Variants in REL observed in about 807,000 individuals in gnomAD.
REL encodes the protein REL proto-oncogene, NF-kB subunit.
A neutral mutation model predicts 45.9 loss-of-function variants in REL; 15 were observed. The observed-to-expected ratio is 0.33, with a 90% confidence interval of 0.22 to 0.50. REL has a LOEUF of 0.50. Among genes scored for constraint, REL ranks in the 20% least tolerant of loss-of-function variants. REL has a pLI of 0.98. For synonymous variants in REL, 239 were observed against 242.1 expected (o/e 0.99, Z 0.12); for missense variants, 601 against 715.2 (o/e 0.84, Z 1.82).
chr2:60,908,718 T>C (rs910158666), intron 4 of REL, among the ~76,000 whole-genome samples: 12 of 152,214 alleles, frequency 7.9e-5, no homozygotes, highest in African/African-American at 2.9e-4. Flanking sequence ...GTATATTAAA[T>C]TTTGTGCAAT....
rs1229637932 is a variant in REL, at chr2:60,926,157, CTG to C, written c.*3626_*3627del. 6 of 231,474 alleles carry C rather than the reference CTG, an allele frequency of 2.6e-5. No individual in the cohort carries two copies. The highest frequency in any genetic ancestry group is 1.3e-4 in the African/African-American group (6 of 45,206). 14.3% of individuals were successfully genotyped at this position (231,474 alleles called of 1,614,324 possible). On this transcript the variant is annotated 3_prime_UTR_variant, in exon 10 of 10. Transcript: ENST00000394479. Reference sequence around the variant, plus strand: ...GATCCCTCCTCCTTTCTCTGCCAGGCTGTGTTTACTTTATCCTTACATCACCA... The same window carrying C: ...GATCCCTCCTCCTTTCTCTGCCAGGCTGTTTACTTTATCCTTACATCACCA...
chr2:60,894,271 G>A (rs1056648873), intron 2 of REL, 126 bp from the exon 3 acceptor site: 18 of 531,440 alleles, frequency 3.4e-5, no homozygotes, highest in Non-Finnish European at 4.9e-5. Context: ...GCAGTTGTTC[G>A]TCAGCTGGAT....
At position 60,900,978 on chromosome 2, in the gene REL, T is replaced by A; in HGVS notation, c.303-14T>A. 6.3e-7 allele frequency: 1 copy of A among 1,595,592 alleles called. No individual in the cohort carries two copies. The highest frequency in any genetic ancestry group is 8.5e-7 in the Non-Finnish European group (1 of 1,172,206). The stretch of plus-strand genomic sequence containing the variant: ...TTTATAATGCAGTTTTGAATATTGT[T>A]TTTTTCCTGCTAGTTTCCAAAATTT... On this transcript the variant is annotated splice_polypyrimidine_tract_variant and intron_variant, in intron 3 of 9. Coordinates refer to ENST00000394479, the MANE Select transcript of REL (RefSeq NM_001291746.2).
intron 1 of REL, among the ~76,000 whole-genome samples, chr2:60,887,804 A>G (rs842649): frequency 0.091 from 13,785 of 151,698 alleles, 697 homozygotes; most frequent in Middle Eastern, 0.13. Context: ...TATTTATGTA[A>G]TTTTTACTAT....
At chr2:60,917,055 T>A (rs758385408) in intron 5 of REL, 38 bp downstream of exon 5, 1 of 1,546,446 alleles carries the variant, frequency 6.5e-7, no homozygotes, top group Non-Finnish European at 8.8e-7. Flanking sequence ...AGTCTTAACT[T>A]GTTTTTTGTA....
intron 4 of REL, among the ~76,000 whole-genome samples, chr2:60,906,960 C>T (rs569647732): frequency 1.4e-5 from 2 of 142,384 alleles, no homozygotes; most frequent in African/African-American, 5.2e-5. Flanking sequence ...GCTCTTGTTG[C>T]CCAGGCTGGA....
intron 9 of REL, 111 bp downstream of exon 9, chr2:60,920,753 C>T (rs568774666): frequency 1.5e-6 from 1 of 667,394 alleles, no homozygotes; most frequent in African/African-American, 1.9e-5. Context: ...AAAATTTTCT[C>T]TCCAGATTTT....
intron 4 of REL, among the ~76,000 whole-genome samples, chr2:60,907,626 C>A: frequency 6.6e-6 from 1 of 151,232 alleles, no homozygotes. Flanking sequence ...AGTGAGACCC[C>A]GTATCAAAAA....
Position 60,881,791 on chromosome 2 carries a change from C to G in REL, c.-50C>G, listed in dbSNP as rs147771199. On this transcript the variant is annotated 5_prime_UTR_variant, in exon 1 of 10. Transcript: ENST00000394479. ...CCTGACTGACTGACTGCGGCCGCCT[C>G]CGGCCAGGACGCTGGGAGCTGCCTG... 13,766 of 1,526,484 alleles carry G rather than the reference C, an allele frequency of 9.0e-3. 93 individuals carry two copies. Among genetic ancestry groups the G allele is most frequent in the Non-Finnish European group, 0.011 (12,093 of 1,137,648 alleles). 94.6% of individuals were successfully genotyped at this position (1,526,484 alleles called of 1,614,324 possible). A position where few individuals can be genotyped will look rare whatever the true frequency, so the allele number is the denominator to read the frequency against.
chr2:60,882,103 G>T (rs908973339), intron 1 of REL, among the ~76,000 whole-genome samples: 1 of 152,182 alleles, frequency 6.6e-6, no homozygotes, highest in African/African-American at 2.4e-5. Context: ...TTGATTTTAG[G>T]ATTAGGGAAG....
rs913608708 is a variant in REL, at chr2:60,926,277, A to G, written c.*3742A>G. ...AAAACCTTTCCTACCACTTGGATGCATTTGCATCCTGACTTCTGAAATGCC... is the reference window on the plus strand; with the variant it reads ...AAAACCTTTCCTACCACTTGGATGCGTTTGCATCCTGACTTCTGAAATGCC... On this transcript the variant is annotated 3_prime_UTR_variant, in exon 10 of 10. Coordinates refer to ENST00000394479, the MANE Select transcript of REL (RefSeq NM_001291746.2). 3.5e-5 allele frequency: 8 copies of G among 231,548 alleles called. No homozygotes were observed. The highest frequency in any genetic ancestry group is 2.3e-4 in the Admixed American group (4 of 17,710). The allele number at this position is 231,548 out of a possible 1,614,324, so 14.3% of individuals were successfully genotyped here.
intron 4 of REL, among the ~76,000 whole-genome samples, chr2:60,915,147 T>C (rs2103974989): frequency 6.6e-6 from 1 of 152,270 alleles, no homozygotes; most frequent in Admixed American, 6.5e-5. Flanking sequence ...TTCTCTTTTA[T>C]TGCTGAGTTT....
At position 60,905,521 on chromosome 2, in the gene REL, T is replaced by C. The variant is rs183035607; in HGVS notation, c.394+4438T>C. On this transcript the variant is annotated intron_variant, in intron 4 of 9. Transcript: ENST00000394479. ...ACTTCCACTAATTTGATAGGGCTGG[T>C]ATGGGTCCTGGGAATCTACATTTTA... Among the ~76,000 whole-genome samples the C allele has an allele frequency of 3.3e-3, 501 of 152,320 alleles. 6 individuals are homozygous for C. Among genetic ancestry groups the C allele is most frequent in the African/African-American group, 0.012 (480 of 41,554 alleles).
intron 1 of REL, among the ~76,000 whole-genome samples, chr2:60,888,872 CTTCA>C (rs748369959): frequency 1.3e-5 from 2 of 152,082 alleles, no homozygotes; most frequent in African/African-American, 4.8e-5. Context: ...TTAAATAATC[CTTCA>C]TTCATCTTAT....
intron 3 of REL, among the ~76,000 whole-genome samples, chr2:60,897,941 C>A (rs1673395127): frequency 6.6e-6 from 1 of 151,566 alleles, no homozygotes; most frequent in Non-Finnish European, 1.5e-5. Context: ...TCTTTCCCCT[C>A]ATAACTGGTC....
chr2:60,922,624 T>C lies in REL; in HGVS notation c.*89T>C. 1 of 1,414,496 alleles carries C rather than the reference T, an allele frequency of 7.1e-7. No individual in the cohort carries two copies. Among genetic ancestry groups the C allele is most frequent in the Non-Finnish European group, 9.3e-7 (1 of 1,079,658 alleles). 87.6% of individuals were successfully genotyped at this position (1,414,496 alleles called of 1,614,324 possible). A position where few individuals can be genotyped will look rare whatever the true frequency, so the allele number is the denominator to read the frequency against. On this transcript the variant is annotated 3_prime_UTR_variant, in exon 10 of 10. Transcript: ENST00000394479. ...GTCTAACTGGGGATATAATACTATATTTATACTGTATATATAATACTGACT... is the reference window on the plus strand; with the variant it reads ...GTCTAACTGGGGATATAATACTATACTTATACTGTATATATAATACTGACT...
intron 3 of REL, among the ~76,000 whole-genome samples, chr2:60,895,636 C>A (rs1489842744): frequency 6.6e-6 from 1 of 152,132 alleles, no homozygotes; most frequent in Non-Finnish European, 1.5e-5. Context: ...GTGAGGCTAC[C>A]AGAAGATGGG....
At chr2:60,912,809 T>C (rs998379469) in intron 4 of REL, among the ~76,000 whole-genome samples, 1 of 152,010 alleles carries the variant, frequency 6.6e-6, no homozygotes, top group African/African-American at 2.4e-5. Context: ...AATATGCGAC[T>C]TTAGTGTATG....
rs896849799 is a variant in REL, at chr2:60,928,032, G to T, written c.*5497G>T. ...CATGTTAAGAGAGACATGGAGCAGG[G>T]CACTGGCATGGTGGATGGATCACGC... On this transcript the variant is annotated 3_prime_UTR_variant, in exon 10 of 10. Coordinates refer to ENST00000394479, the MANE Select transcript of REL (RefSeq NM_001291746.2). 6 of 202,174 alleles carry T rather than the reference G, an allele frequency of 3.0e-5. No homozygotes were observed. The highest frequency in any genetic ancestry group is 4.6e-5 in the African/African-American group (2 of 43,456). The allele number at this position is 202,174 out of a possible 1,614,324, so 12.5% of individuals were successfully genotyped here. A position where few individuals can be genotyped will look rare whatever the true frequency, so the allele number is the denominator to read the frequency against.
Sources: gnomAD v4.1 joint callset for allele counts (sites outside exome capture counted in the v4.1 genomes callset) on GRCh38, gnomAD v4.1.1 for gene constraint, MANE v1.5 for transcripts, NCBI Gene and HGNC (gene_info 2026-07-23, HGNC 2026-07-21) for gene names.